Variants in NBEA observed in about 807,000 individuals in gnomAD.
NBEA encodes neurobeachin.
NBEA carries 44 observed loss-of-function variants against 343.4 expected under a neutral mutation model. The ratio of observed to expected loss-of-function variants is 0.13; its 90% confidence interval spans 0.10 to 0.16. The LOEUF (loss-of-function observed/expected upper bound fraction) is 0.16, where lower values mean the gene tolerates loss of function less well. NBEA is among the 10% of genes least tolerant of loss of function. The probability of loss-of-function intolerance (pLI) is 1.00; values close to 1 mark genes in which losing one functional copy is unlikely to be tolerated. For missense variants in NBEA, 2,555 were observed against 3,631.3 expected, an observed-to-expected ratio of 0.70 and a Z score of 7.62; for synonymous variants, 1,175 against 1,238.7, an observed-to-expected ratio of 0.95 and a Z score of 1.08.
At chr13:35,623,868 C>T (rs2083105805) in intron 48 of NBEA, among the ~76,000 whole-genome samples, 1 of 151,958 alleles carries the variant, frequency 6.6e-6, no homozygotes. Context: ...AATTCATTTT[C>T]TTATACAAAT....
intron 1 of NBEA, among the ~76,000 whole-genome samples, chr13:34,952,356 A>G (rs931659924): frequency 7.9e-5 from 12 of 152,220 alleles, no homozygotes; most frequent in Non-Finnish European, 1.3e-4. Context: ...TTTGTACACT[A>G]AAGTGACTTA....
chr13:35,164,871 G>T (rs1394709979), intron 24 of NBEA, among the ~76,000 whole-genome samples: 3 of 151,874 alleles, frequency 2.0e-5, no homozygotes, highest in South Asian at 4.1e-4. Flanking sequence ...ATCTAGCCTT[G>T]TCTTGATTTG....
chr13:35,170,993 T>C, intron 25 of NBEA: 1 of 474,902 alleles, frequency 2.1e-6, no homozygotes. Context: ...CTTTGTGAAA[T>C]GATCTTAAGT....
intron 34 of NBEA, among the ~76,000 whole-genome samples, chr13:35,254,042 C>T (rs2032292474): frequency 6.6e-6 from 1 of 152,044 alleles, no homozygotes; most frequent in Non-Finnish European, 1.5e-5. Context: ...ATAGCAGTAT[C>T]ATTTATTTCC....
intron 34 of NBEA, among the ~76,000 whole-genome samples, chr13:35,276,209 CATG>C (rs2034575385): frequency 6.6e-6 from 1 of 151,870 alleles, no homozygotes; most frequent in Non-Finnish European, 1.5e-5. Context: ...TTGTATATTC[CATG>C]ATAATTTTTA....
intron 51 of NBEA, among the ~76,000 whole-genome samples, chr13:35,647,429 T>C (rs2153077257): frequency 6.6e-6 from 1 of 152,342 alleles, no homozygotes; most frequent in East Asian, 1.9e-4. Context: ...ACCTTTCATT[T>C]ACTCTGTCAT....
chr13:35,046,980 GTTGT>G (rs1566205998), intron 4 of NBEA, among the ~76,000 whole-genome samples: 1 of 151,874 alleles, frequency 6.6e-6, no homozygotes, highest in African/African-American at 2.4e-5. Context: ...AAAAAATTCG[GTTGT>G]TTTTCTTATT....
At chr13:35,346,235 A>G (rs1031970619) in intron 36 of NBEA, among the ~76,000 whole-genome samples, 1 of 152,008 alleles carries the variant, frequency 6.6e-6, no homozygotes, top group African/African-American at 2.4e-5. Flanking sequence ...GTCTCCTGTT[A>G]ATCTATTTAA....
intron 41 of NBEA, among the ~76,000 whole-genome samples, chr13:35,489,261 C>T (rs1419675618): frequency 6.6e-6 from 1 of 151,794 alleles, no homozygotes. Flanking sequence ...AGAGCTGCCC[C>T]ATCTGTTTCA....
chr13:35,142,421 TG>T, intron 18 of NBEA, 44 bp downstream of exon 18: 1 of 1,410,876 alleles, frequency 7.1e-7, no homozygotes. Context: ...GTGTATACAG[TG>T]GAAACCCTCT....
chr13:35,407,397 T>G (rs2043327927), intron 38 of NBEA, among the ~76,000 whole-genome samples: 1 of 152,006 alleles, frequency 6.6e-6, no homozygotes, highest in Admixed American at 6.6e-5. Context: ...ACAGCTAAAT[T>G]TTTTTTGTTC....
At chr13:35,580,036 G>A (rs2080940813) in intron 45 of NBEA, among the ~76,000 whole-genome samples, 1 of 152,004 alleles carries the variant, frequency 6.6e-6, no homozygotes, top group Non-Finnish European at 1.5e-5. Context: ...TTCAATATTG[G>A]AAACAGTGCC....
At chr13:35,627,369 G>A (rs150645935) in intron 48 of NBEA, among the ~76,000 whole-genome samples, 193 of 152,266 alleles carry the variant, frequency 1.3e-3, no homozygotes, top group African/African-American at 4.0e-3. Context: ...ACGGACCTGA[G>A]CAAGACTCCC....
intron 37 of NBEA, among the ~76,000 whole-genome samples, chr13:35,351,280 T>C (rs184084335): frequency 6.6e-6 from 1 of 152,120 alleles, no homozygotes; most frequent in African/African-American, 2.4e-5. Flanking sequence ...ATATTACTTG[T>C]ATTACACATT....
intron 8 of NBEA, among the ~76,000 whole-genome samples, chr13:35,063,168 T>C (rs1555291770): frequency 6.6e-6 from 1 of 152,104 alleles, no homozygotes; most frequent in Non-Finnish European, 1.5e-5. Context: ...TAAATACAAA[T>C]AATTAGCCTT....
chr13:35,237,110 A>T (rs1393467957), intron 34 of NBEA, among the ~76,000 whole-genome samples: 1 of 152,040 alleles, frequency 6.6e-6, no homozygotes, highest in East Asian at 1.9e-4. Context: ...ATAAAAAATT[A>T]CTCAGGCCTG....
chr13:35,422,178 AG>A lies in NBEA; in HGVS notation c.6180-10088del, dbSNP rs1388296711. Among the ~76,000 whole-genome samples the A allele has an allele frequency of 2.1e-5, 3 of 145,096 alleles. No homozygotes were observed. The Admixed American group carries it at 2.2e-4, about 10-fold the overall frequency. ...TTATTATTATTATACTTTCAGTTTTAGGGTACATGTGCACAACGTGCAGGTT... is the reference window on the plus strand; with the variant it reads ...TTATTATTATTATACTTTCAGTTTTAGGTACATGTGCACAACGTGCAGGTT... On this transcript the variant is annotated intron_variant, in intron 38 of 58. Transcript: ENST00000379939.
intron 36 of NBEA, among the ~76,000 whole-genome samples, chr13:35,314,303 C>T (rs2152835729): frequency 6.6e-6 from 1 of 152,234 alleles, no homozygotes; most frequent in East Asian, 1.9e-4. Flanking sequence ...GCTTGCCAGG[C>T]AATTTGGGGG....
chr13:35,421,782 G>A (rs2044289729), intron 38 of NBEA, among the ~76,000 whole-genome samples: 1 of 151,988 alleles, frequency 6.6e-6, no homozygotes, highest in Admixed American at 6.6e-5. Context: ...CTCATCACTG[G>A]CTATAGGATT....
Sources: allele counts gnomAD v4.1 joint callset (sites outside exome capture counted in the v4.1 genomes callset), GRCh38; gene constraint gnomAD v4.1.1; transcripts MANE v1.5; gene names NCBI Gene and HGNC (gene_info 2026-07-23, HGNC 2026-07-21).